The following ADARB2 variants were observed in gnomAD, a reference collection of about 807,000 sequenced individuals.
ADARB2 encodes inactive double-stranded RNA-specific editase B2.
In ADARB2, 25 loss-of-function variants were observed where a neutral mutation model predicts 62.2. That is an observed-to-expected ratio of 0.40 (90% CI 0.29 to 0.56). ADARB2 has a LOEUF of 0.56. ADARB2 is among the 20% of genes least tolerant of loss of function. The probability of loss-of-function intolerance (pLI) is 0.43; values close to 1 mark genes in which losing one functional copy is unlikely to be tolerated. For missense variants in ADARB2, 1,071 were observed against 1,077.4 expected (o/e 0.99, Z 0.08); for synonymous variants, 572 against 500.8 (o/e 1.14, Z -1.90).
chr10:1,675,974 G>A, intron 1 of ADARB2: 2 of 980,752 alleles, frequency 2.0e-6, no homozygotes, highest in Non-Finnish European at 2.4e-6. Context: ...AAGATGTGGA[G>A]TAAGGGCTGC....
intron 4 of ADARB2, 50 bp from the exon 5 acceptor site, chr10:1,242,349 C>T: frequency 6.7e-7 from 1 of 1,498,218 alleles, no homozygotes; most frequent in African/African-American, 1.4e-5. Flanking sequence ...CCCCCGTCTC[C>T]CTCCTCCTCG....
chr10:1,382,706 C>CTTT lies in ADARB2; in HGVS notation c.101-3549_101-3547dup, dbSNP rs35629334. Among the ~76,000 whole-genome samples, 10 of 143,164 alleles carry CTTT rather than the reference C, an allele frequency of 7.0e-5. 1 individual carries two copies. The highest frequency in any genetic ancestry group is 4.5e-4 in the South Asian group (2 of 4,482). The allele number at this position is 143,164 out of a possible 152,430, so 93.9% of individuals were successfully genotyped here. On this transcript the variant is annotated intron_variant, in intron 1 of 9. Coordinates refer to ENST00000381312, the MANE Select transcript of ADARB2 (RefSeq NM_018702.4). ...CTTCTGATGAAAAAAGGATGCCATA[C>CTTT]TTTTTTTTTTTTTTTGCCTCAGTTC...
At chr10:1,352,002 C>T in intron 3 of ADARB2, among the ~76,000 whole-genome samples, 1 of 150,696 alleles carries the variant, frequency 6.6e-6, no homozygotes, top group Non-Finnish European at 1.5e-5. Context: ...CTTTACTATT[C>T]CTTTGCACCC....
intron 2 of ADARB2, among the ~76,000 whole-genome samples, chr10:1,376,588 C>T (rs1355910260): frequency 2.0e-5 from 3 of 152,212 alleles, no homozygotes; most frequent in Non-Finnish European, 4.4e-5. Flanking sequence ...ACGGGCAGAG[C>T]AGTAACTTTC....
chr10:1,716,975 C>G (rs923159837), intron 1 of ADARB2, among the ~76,000 whole-genome samples: 1 of 152,074 alleles, frequency 6.6e-6, no homozygotes, highest in African/African-American at 2.4e-5. Flanking sequence ...TCCTAGAGAG[C>G]ATTAGAGAGC....
chr10:1,342,598 G>A (rs1348189297), intron 3 of ADARB2, among the ~76,000 whole-genome samples: 1 of 152,136 alleles, frequency 6.6e-6, no homozygotes, highest in Non-Finnish European at 1.5e-5. Flanking sequence ...GTGGGGTGGG[G>A]GTGGAAAGTC....
Position 1,302,180 on chromosome 10 carries a change from G to A in ADARB2, c.1078-31111C>T, listed in dbSNP as rs556854976. On this transcript the variant is annotated intron_variant, in intron 3 of 9. Transcript: ENST00000381312. ...AGGTCAGTGGGTGCGCACACCGTGC[G>A]CGAGCCGAAGCAGGGCGAGGCATTG... Among the ~76,000 whole-genome samples the A allele has an allele frequency of 2.3e-3, 354 of 152,284 alleles. 1 individual carries two copies. Among genetic ancestry groups the A allele is most frequent in the African/African-American group, 5.3e-3 (222 of 41,580 alleles).
intron 1 of ADARB2, among the ~76,000 whole-genome samples, chr10:1,463,099 T>G (rs563424860): frequency 5.3e-5 from 8 of 152,044 alleles, no homozygotes; most frequent in Non-Finnish European, 1.2e-4. Context: ...GTAACCAGGG[T>G]CATGGTGGGT....
intron 1 of ADARB2, among the ~76,000 whole-genome samples, chr10:1,524,244 G>A (rs566988890): frequency 1.3e-5 from 2 of 152,262 alleles, no homozygotes; most frequent in East Asian, 1.9e-4. Context: ...CAAAAATAGG[G>A]TCAGGACTTT....
At chr10:1,602,822 CAT>C (rs1833436821) in intron 1 of ADARB2, among the ~76,000 whole-genome samples, 1 of 151,822 alleles carries the variant, frequency 6.6e-6, no homozygotes. Flanking sequence ...CATCCACACA[CAT>C]ATGCACATCT....
At chr10:1,308,473 T>G (rs1831653253) in intron 3 of ADARB2, among the ~76,000 whole-genome samples, 1 of 152,154 alleles carries the variant, frequency 6.6e-6, no homozygotes, top group Non-Finnish European at 1.5e-5. Flanking sequence ...ATGTGCCTTT[T>G]TTCTGTGTGG....
intron 3 of ADARB2, among the ~76,000 whole-genome samples, chr10:1,335,150 C>T (rs539004004): frequency 6.6e-4 from 100 of 152,000 alleles, no homozygotes; most frequent in Non-Finnish European, 1.1e-3. Context: ...TCTGTGTGTT[C>T]CAGCTACCTG....
At chr10:1,185,579 C>G (rs1836741803) in intron 8 of ADARB2, among the ~76,000 whole-genome samples, 4 of 152,222 alleles carry the variant, frequency 2.6e-5, no homozygotes. Context: ...TGAAACCGCA[C>G]TGGCTACAGA....
chr10:1,288,929 G>A (rs1246562853), intron 3 of ADARB2, among the ~76,000 whole-genome samples: 1 of 152,164 alleles, frequency 6.6e-6, no homozygotes, highest in Non-Finnish European at 1.5e-5. Context: ...CTCAGCCAAG[G>A]GCATTCCAGA....
chr10:1,728,606 A>G (rs944162758), intron 1 of ADARB2, among the ~76,000 whole-genome samples: 7 of 152,220 alleles, frequency 4.6e-5, no homozygotes, highest in African/African-American at 1.7e-4. Context: ...AGCCCCTGTC[A>G]TGATTTAACT....
intron 1 of ADARB2, among the ~76,000 whole-genome samples, chr10:1,638,440 T>C (rs1177186850): frequency 6.6e-6 from 1 of 152,212 alleles, no homozygotes; most frequent in East Asian, 1.9e-4. Context: ...CAAGGCAAGC[T>C]TTCTTAAACA....
intron 1 of ADARB2, among the ~76,000 whole-genome samples, chr10:1,411,332 G>A (rs527815026): frequency 1.2e-4 from 18 of 152,306 alleles, no homozygotes; most frequent in Non-Finnish European, 2.6e-4. Context: ...CAAGTGCACC[G>A]GAGGCTCCGT....
chr10:1,482,521 A>C (rs1050635974), intron 1 of ADARB2, among the ~76,000 whole-genome samples: 16 of 152,328 alleles, frequency 1.1e-4, no homozygotes, highest in African/African-American at 3.6e-4. Flanking sequence ...TACCAGGAGG[A>C]GAAGTGGGAG....
chr10:1,382,746 G>A (rs2131861843), intron 1 of ADARB2, among the ~76,000 whole-genome samples: 2 of 148,268 alleles, frequency 1.3e-5, no homozygotes, highest in East Asian at 4.0e-4. Flanking sequence ...CCTTCGGAGT[G>A]TGCCAGGAGA....
Sources: gnomAD v4.1 joint callset for allele counts (sites outside exome capture counted in the v4.1 genomes callset) on GRCh38, gnomAD v4.1.1 for gene constraint, MANE v1.5 for transcripts, NCBI Gene and HGNC (gene_info 2026-07-23, HGNC 2026-07-21) for gene names.